Variants in NR1D2 observed in about 807,000 individuals in gnomAD.
NR1D2 encodes nuclear receptor subfamily 1 group D member 2.
Under a neutral mutation model 52.2 loss-of-function variants are expected in NR1D2, and 25 were observed. That is an observed-to-expected ratio of 0.48 (90% CI 0.35 to 0.67). The LOEUF is 0.67. NR1D2 is among the 30% of genes least tolerant of loss of function. The pLI is 0.01. For synonymous variants in NR1D2, 259 were observed against 230.1 expected (o/e 1.13, Z -1.14); for missense variants, 681 against 707.2 (o/e 0.96, Z 0.42).
chr3:23,960,399 T>G (rs1706204516), intron 4 of NR1D2, among the ~76,000 whole-genome samples: 2 of 152,178 alleles, frequency 1.3e-5, no homozygotes, highest in South Asian at 4.1e-4. Flanking sequence ...GGTGACACTC[T>G]GTCTCAATGT....
At chr3:23,948,641 A>G (rs1374407758) in intron 1 of NR1D2, among the ~76,000 whole-genome samples, 1 of 152,230 alleles carries the variant, frequency 6.6e-6, no homozygotes, top group African/African-American at 2.4e-5. Flanking sequence ...TCCTCATGTT[A>G]ATTCCATGAA....
chr3:23,977,544 A>T lies in NR1D2; in HGVS notation c.*125A>T, dbSNP rs955889782. 1.8e-6 allele frequency: 1 copy of T among 570,672 alleles called. No individual in the cohort carries two copies. Among genetic ancestry groups the T allele is most frequent in the Non-Finnish European group, 2.9e-6 (1 of 348,226 alleles). 35.4% of individuals were successfully genotyped at this position (570,672 alleles called of 1,614,324 possible). A position where few individuals can be genotyped will look rare whatever the true frequency, so the allele number is the denominator to read the frequency against. Reference sequence around the variant, plus strand: ...TTAAGACAATAAAAGATTGTAGGCTATCTCTGTAATCATGCAATAGCTGTT... The same window carrying T: ...TTAAGACAATAAAAGATTGTAGGCTTTCTCTGTAATCATGCAATAGCTGTT... On this transcript the variant is annotated 3_prime_UTR_variant, in exon 8 of 8. Coordinates refer to ENST00000312521, the MANE Select transcript of NR1D2 (RefSeq NM_005126.5).
intron 3 of NR1D2, among the ~76,000 whole-genome samples, chr3:23,956,802 C>T (rs566710233): frequency 1.3e-5 from 2 of 152,158 alleles, no homozygotes; most frequent in Non-Finnish European, 2.9e-5. Context: ...AAACTTGGCA[C>T]AATCTTTTCT....
At chr3:23,954,932 T>G (rs1315302721) in intron 2 of NR1D2, 129 bp downstream of exon 2, 1 of 786,090 alleles carries the variant, frequency 1.3e-6, no homozygotes, top group Non-Finnish European at 2.0e-6. Flanking sequence ...TAATCATACA[T>G]CAGTAGTTAG....
intron 1 of NR1D2, among the ~76,000 whole-genome samples, chr3:23,952,512 C>A (rs1456896088): frequency 4.6e-5 from 7 of 151,722 alleles, no homozygotes; most frequent in Non-Finnish European, 1.0e-4. Context: ...AAGTTCGTGA[C>A]CAGCCTGGGC....
In NR1D2 at chr3:23,962,367, A is replaced by G. The variant is rs140541857; in HGVS notation, c.908A>G (p.Asn303Ser). ...AATTTAAATCATGATCATTGCGGCA[A>G]TGGGCTTAGCAGCCATTTTCCCTGT... ...QYNLNHDHCG[N>S]GLSSHFPCSE... The change falls in exon 5 of 8, where the codon AAT (asparagine) becomes AGT (serine). Residue 303 changes from asparagine (N) to serine (S), a missense_variant. Asn to Ser is a conservative substitution (Grantham distance 46). This residue lies in a region of NR1D2 where 475 missense variants were observed against 454.5 expected (regional missense o/e 1.05). Transcript: ENST00000312521. 9.2e-5 allele frequency: 148 copies of G among 1,614,086 alleles called. No individual in the cohort carries two copies. The highest frequency in any genetic ancestry group is 1.1e-4 in the East Asian group (5 of 44,902).
intron 7 of NR1D2, among the ~76,000 whole-genome samples, chr3:23,974,298 T>C (rs1008863910): frequency 1.3e-5 from 2 of 152,118 alleles, no homozygotes; most frequent in Admixed American, 1.3e-4. Flanking sequence ...TTTACTATTA[T>C]TAAGTGTAAT....
At chr3:23,947,613 C>G (rs1376808385) in intron 1 of NR1D2, among the ~76,000 whole-genome samples, 1 of 152,200 alleles carries the variant, frequency 6.6e-6, no homozygotes, top group African/African-American at 2.4e-5. Context: ...AGTAACCTTG[C>G]AGTCAACTAG....
chr3:23,967,388 G>A (rs1192634654), intron 6 of NR1D2, among the ~76,000 whole-genome samples: 1 of 152,086 alleles, frequency 6.6e-6, no homozygotes, highest in Non-Finnish European at 1.5e-5. Context: ...GCTGAAGCGG[G>A]TGGATCACCT....
intron 1 of NR1D2, among the ~76,000 whole-genome samples, 179 bp from the exon 2 acceptor site, chr3:23,954,358 C>T (rs544012693): frequency 6.6e-6 from 1 of 152,214 alleles, no homozygotes; most frequent in African/African-American, 2.4e-5. Flanking sequence ...TTGAACTTTG[C>T]GGAAGCAGGA....
intron 1 of NR1D2, among the ~76,000 whole-genome samples, chr3:23,952,805 C>T (rs1173575364): frequency 6.6e-6 from 1 of 151,764 alleles, no homozygotes; most frequent in Non-Finnish European, 1.5e-5. Flanking sequence ...ATCTTCCCTT[C>T]TGGGTTGCAC....
chr3:23,967,691 T>G (rs757977293), intron 6 of NR1D2, 122 bp from the exon 7 acceptor site: 61 of 700,988 alleles, frequency 8.7e-5, no homozygotes, highest in Non-Finnish European at 1.3e-4. Context: ...GTATACCCTG[T>G]TTTTCTTTTA....
intron 7 of NR1D2, among the ~76,000 whole-genome samples, chr3:23,968,909 C>T (rs966780840): frequency 6.6e-6 from 1 of 152,168 alleles, no homozygotes; most frequent in Non-Finnish European, 1.5e-5. Context: ...GTGTAAAGGG[C>T]ACTGTGCTAG....
At chr3:23,975,368 C>A (rs1362016308) in intron 7 of NR1D2, among the ~76,000 whole-genome samples, 1 of 151,848 alleles carries the variant, frequency 6.6e-6, no homozygotes, top group Non-Finnish European at 1.5e-5. Flanking sequence ...AAGCAATCCT[C>A]CTGCCTCGGC....
chr3:23,970,618 A>C (rs1245762137), intron 7 of NR1D2, among the ~76,000 whole-genome samples: 5 of 152,178 alleles, frequency 3.3e-5, no homozygotes, highest in Non-Finnish European at 7.3e-5. Context: ...AAAATGGAAA[A>C]TTAAGTGTGA....
rs1706759643 is a variant in NR1D2, at chr3:23,977,378, A to T, written c.1699A>T (p.Met567Leu). Residue 567 changes from methionine (M) to leucine (L), a missense_variant, in exon 8 of 8, where the codon ATG becomes TTG. Physicochemically the swap from Met to Leu is conservative, Grantham distance 15. Coordinates refer to ENST00000312521, the MANE Select transcript of NR1D2 (RefSeq NM_005126.5). ...GCCAGATCTTCGATCTTTAAACAACATGCACTCTGAGGAGCTCTTGGCCTT... is the reference window on the plus strand; with the variant it reads ...GCCAGATCTTCGATCTTTAAACAACTTGCACTCTGAGGAGCTCTTGGCCTT... ...KLPDLRSLNN[M>L]HSEELLAFKV... is the part of the protein sequence containing the mutation. The T allele has an allele frequency of 1.9e-6, 3 of 1,612,064 alleles. No homozygotes were observed. The highest frequency in any genetic ancestry group is 1.7e-6 in the Non-Finnish European group (2 of 1,179,200).
Position 23,966,275 on chromosome 3 carries a change from C to T in NR1D2, c.1332+1113C>T, listed in dbSNP as rs1049380295. Among the ~76,000 whole-genome samples, 47 of 152,272 alleles carry T rather than the reference C, an allele frequency of 3.1e-4. 1 individual carries two copies. Among genetic ancestry groups the T allele is most frequent in the African/African-American group, 1.1e-3 (44 of 41,542 alleles). On this transcript the variant is annotated intron_variant, in intron 6 of 7. Transcript: ENST00000312521. ...TCACTTCTCCCTGGATTTATTATAA[C>T]GGAGGGAGTGAGATAACTAAGTAAT...
chr3:23,956,175 G>A, intron 3 of NR1D2, 50 bp downstream of exon 3: 1 of 1,454,752 alleles, frequency 6.9e-7, no homozygotes, highest in South Asian at 1.1e-5. Flanking sequence ...GATTTAAGAA[G>A]TTGGGTTTAG....
At position 23,962,524 on chromosome 3, in the gene NR1D2, T is replaced by C. The variant is rs1472874790; in HGVS notation, c.1065T>C (p.Cys355=). ...NFSNAYTQRV[C]DRVPIDGFSQ... ...CCAATGCTTATACTCAAAGAGTATG[T>C]GATAGAGTTCCGATAGATGGATTTT... Residue 355 remains cysteine, a synonymous_variant, in exon 5 of 8, where the codon TGT becomes TGC. Coordinates refer to ENST00000312521, the MANE Select transcript of NR1D2 (RefSeq NM_005126.5). 1.9e-6 allele frequency: 3 copies of C among 1,613,764 alleles called. No homozygotes were observed. Among genetic ancestry groups the C allele is most frequent in the East Asian group, 2.2e-5 (1 of 44,870 alleles).
Sources: allele counts gnomAD v4.1 joint callset (sites outside exome capture counted in the v4.1 genomes callset), GRCh38; gene constraint gnomAD v4.1.1; regional missense constraint gnomAD v4.1.1; transcripts MANE v1.5; gene names NCBI Gene and HGNC (gene_info 2026-07-23, HGNC 2026-07-21).